Variants in FGR observed in about 807,000 individuals in gnomAD.
FGR encodes FGR proto-oncogene, Src family tyrosine kinase, also known as tyrosine-protein kinase Fgr.
In FGR, 26 loss-of-function variants were observed where a neutral mutation model predicts 63.2. The ratio of observed to expected loss-of-function variants is 0.41; its 90% CI spans 0.30 to 0.57. The LOEUF is 0.57. FGR is among the 20% of genes least tolerant of loss of function. The pLI, the probability that FGR is intolerant of heterozygous loss-of-function variation, is 0.27. For missense variants in FGR, 511 were observed against 690.8 expected (o/e 0.74, Z 2.92); for synonymous variants, 286 against 277.7 (o/e 1.03, Z -0.30).
intron 1 of FGR, among the ~76,000 whole-genome samples, chr1:27,632,389 C>T (rs958190734): frequency 2.0e-5 from 3 of 152,100 alleles, no homozygotes; most frequent in East Asian, 1.9e-4. Context: ...CCACCCACCT[C>T]GGCCTCCTAA....
chr1:27,623,722 G>A lies in FGR; in HGVS notation c.195C>T (p.Phe65=). The change falls in exon 3 of 13, where the codon TTC becomes TTT. Residue 65 remains phenylalanine (F), a synonymous_variant. Transcript: ENST00000374005. ...CACCCCTGATGGTGCCACTATCAAG[G>A]AAGCCAGGGTTGATGGCCTGAGAGG... The part of the protein sequence containing the change: ...NFSSQAINPG[F]LDSGTIRGVS... 6.2e-7 allele frequency: 1 copy of A among 1,614,224 alleles called. No homozygotes were observed. The highest frequency in any genetic ancestry group is 8.5e-7 in the Non-Finnish European group (1 of 1,180,042).
intron 1 of FGR, among the ~76,000 whole-genome samples, chr1:27,632,041 G>A (rs926088566): frequency 6.6e-6 from 1 of 151,536 alleles, no homozygotes; most frequent in East Asian, 1.9e-4. Flanking sequence ...TCCTCTCACC[G>A]AGACCCTCCA....
At chr1:27,631,259 C>T (rs1422153124) in intron 1 of FGR, among the ~76,000 whole-genome samples, 2 of 152,308 alleles carry the variant, frequency 1.3e-5, no homozygotes, top group Non-Finnish European at 2.9e-5. Context: ...TGTCATACTT[C>T]CGGTCGAACA....
In FGR at chr1:27,621,550, C is replaced by A; in HGVS notation, c.428+9G>T. ...CCATAGGGCTGGTCTTGCCCCAATC[C>A]CTACTTACTCTTCAGCTTGGATTGA... On this transcript the variant is annotated intron_variant, in intron 5 of 12. Coordinates refer to ENST00000374005, the MANE Select transcript of FGR (RefSeq NM_005248.3). The A allele has an allele frequency of 6.2e-7, 1 of 1,610,498 alleles. No homozygotes were observed. The highest frequency in any genetic ancestry group is 8.5e-7 in the Non-Finnish European group (1 of 1,176,912).
At position 27,612,259 on chromosome 1, in the gene FGR, C is replaced by T. The variant is rs2089708091; in HGVS notation, c.*655G>A. ...CTGTCCGTTCACCCCCTATTGACCACCCCCGCTCCCAAAGGAAGGTTCAAG... is the reference window on the plus strand; with the variant it reads ...CTGTCCGTTCACCCCCTATTGACCATCCCCGCTCCCAAAGGAAGGTTCAAG... On this transcript the variant is annotated 3_prime_UTR_variant, in exon 13 of 13. Transcript: ENST00000374005. The T allele has an allele frequency of 6.6e-6, 1 of 152,320 alleles. No individual in the cohort carries two copies. Among genetic ancestry groups the T allele is most frequent in the Admixed American group, 6.5e-5 (1 of 15,288 alleles). 9.4% of individuals were successfully genotyped at this position (152,320 alleles called of 1,614,324 possible). A position where few individuals can be genotyped will look rare whatever the true frequency, so the allele number is the denominator to read the frequency against.
At position 27,615,104 on chromosome 1, in the gene FGR, G is replaced by C. The variant is rs889020627; in HGVS notation, c.1019-178C>G. On this transcript the variant is annotated intron_variant, in intron 9 of 12. Coordinates refer to ENST00000374005, the MANE Select transcript of FGR (RefSeq NM_005248.3). This position sits in a 1 kb window ranked among gnomAD's most constrained non-coding sequence, Gnocchi z 7.6. The stretch of plus-strand genomic sequence containing the variant: ...GGCCCTGCTGCCAGACACGGACTCT[G>C]CCCACATCTCGTTTCTTCTGTTCCT... Among the ~76,000 whole-genome samples the C allele has an allele frequency of 4.7e-5, 7 of 150,334 alleles. No individual in the cohort carries two copies. Among genetic ancestry groups the C allele is most frequent in the Non-Finnish European group, 1.5e-5 (1 of 67,842 alleles).
At chr1:27,623,980 C>T in intron 2 of FGR, 51 bp from the exon 3 acceptor site, 1 of 1,431,542 alleles carries the variant, frequency 7.0e-7, no homozygotes, top group Non-Finnish European at 9.5e-7. Context: ...GTGCACCACC[C>T]TGTGCACACA....
At position 27,616,280 on chromosome 1, in the gene FGR, C is replaced by T. The variant is rs2089811287; in HGVS notation, c.683-436G>A. ...TCCTGCCTTCCCTTCACCCCCACAG[C>T]CAATTCTCCACCAAGTCAGGCCTAT... On this transcript the variant is annotated intron_variant, in intron 7 of 12. Coordinates refer to ENST00000374005, the MANE Select transcript of FGR (RefSeq NM_005248.3). The surrounding 1 kb of genome is among the most constrained non-coding windows in gnomAD (Gnocchi z 4.3). Among the ~76,000 whole-genome samples, 1 of 152,218 alleles carries T rather than the reference C, an allele frequency of 6.6e-6. No individual in the cohort carries two copies.
rs1387914813 is a variant in FGR at position 27,616,068 on chromosome 1, G to T, written c.683-224C>A. ...CCAGAGGGAGAGATGATCCCTGTAA[G>T]CCTTCTGTAAGGACTGGGGGCCTCC... On this transcript the variant is annotated intron_variant, in intron 7 of 12. Transcript: ENST00000374005. The surrounding 1 kb of genome is among the most constrained non-coding windows in gnomAD (Gnocchi z 4.3). Among the ~76,000 whole-genome samples the T allele has an allele frequency of 6.6e-6, 1 of 152,204 alleles. No individual in the cohort carries two copies. Among genetic ancestry groups the T allele is most frequent in the Non-Finnish European group, 1.5e-5 (1 of 68,030 alleles).
rs567465085 is a variant in FGR, at chr1:27,629,147, A to G, written c.-76-3996T>C. ...GAGCCAGAGAGACAGAAAGACAGAG[A>G]GATAGAAGGAAGAGACAGAGACAGA... On this transcript the variant is annotated intron_variant, in intron 1 of 12. Transcript: ENST00000374005. Among the ~76,000 whole-genome samples, 6 of 152,086 alleles carry G rather than the reference A, an allele frequency of 3.9e-5. No individual in the cohort carries two copies. The South Asian group carries it at 1.2e-3, about 32-fold the overall frequency.
chr1:27,621,431 G>T, intron 5 of FGR, 128 bp downstream of exon 5: 1 of 662,784 alleles, frequency 1.5e-6, no homozygotes, highest in Non-Finnish European at 2.8e-6. Context: ...TTCTCACAAT[G>T]ACCTTACAAA....
At chr1:27,633,498 C>A (rs976959219) in intron 1 of FGR, among the ~76,000 whole-genome samples, 1 of 152,350 alleles carries the variant, frequency 6.6e-6, no homozygotes, top group African/African-American at 2.4e-5. Context: ...ACTATTTAGA[C>A]GCCAACTGTG....
At chr1:27,629,065 G>A (rs1276309990) in intron 1 of FGR, among the ~76,000 whole-genome samples, 1 of 152,008 alleles carries the variant, frequency 6.6e-6, no homozygotes, top group Non-Finnish European at 1.5e-5. Flanking sequence ...AAAAGGAGAG[G>A]CAGAAAGAAA....
intron 1 of FGR, chr1:27,626,345 G>T (rs2090021501): frequency 2.5e-6 from 1 of 397,404 alleles, no homozygotes; most frequent in Middle Eastern, 6.3e-4. Flanking sequence ...GGGCCCCAAG[G>T]TCCTAGAAGA....
chr1:27,629,782 A>G (rs1282944751), intron 1 of FGR, among the ~76,000 whole-genome samples: 2 of 152,230 alleles, frequency 1.3e-5, no homozygotes, highest in Non-Finnish European at 2.9e-5. Context: ...AGGTGGGTTT[A>G]TGACTACCCT....
intron 1 of FGR, among the ~76,000 whole-genome samples, chr1:27,632,125 C>G (rs541744188): frequency 7.4e-5 from 11 of 147,684 alleles, no homozygotes; most frequent in African/African-American, 2.6e-4. Flanking sequence ...CTTTGTTCTT[C>G]TTCTTCTTCT....
Position 27,612,743 on chromosome 1 carries a change from G to A in FGR, c.*171C>T, listed in dbSNP as rs2148522520. On this transcript the variant is annotated 3_prime_UTR_variant, in exon 13 of 13. Transcript: ENST00000374005. ...AGAGATCAGCTCTGGGCCTCCTTTT[G>A]CCCCATCTGTAAAACAAGTAGGTTG... The A allele has an allele frequency of 1.6e-6, 1 of 619,418 alleles. No homozygotes were observed. The highest frequency in any genetic ancestry group is 2.8e-5 in the East Asian group (1 of 36,142). The allele number at this position is 619,418 out of a possible 1,614,324, so 38.4% of individuals were successfully genotyped here. A position where few individuals can be genotyped will look rare whatever the true frequency, so the allele number is the denominator to read the frequency against.
intron 1 of FGR, among the ~76,000 whole-genome samples, chr1:27,629,075 A>G (rs2090067695): frequency 6.6e-6 from 1 of 152,030 alleles, no homozygotes; most frequent in African/African-American, 2.4e-5. Context: ...GCAGAAAGAA[A>G]GAGAGAGAGA....
intron 1 of FGR, among the ~76,000 whole-genome samples, chr1:27,630,718 C>A (rs1473502438): frequency 6.6e-6 from 1 of 152,128 alleles, no homozygotes; most frequent in Admixed American, 6.5e-5. Flanking sequence ...CAGAGAGTAG[C>A]CACAGCATCA....
Sources: gnomAD v4.1 joint callset for allele counts (sites outside exome capture counted in the v4.1 genomes callset) on GRCh38, gnomAD v4.1.1 for gene constraint, Gnocchi (gnomAD v3.1) non-coding constraint, MANE v1.5 for transcripts, NCBI Gene and HGNC (gene_info 2026-07-23, HGNC 2026-07-21) for gene names.